The following RPS6KA6 variants were observed in gnomAD, a reference collection of about 807,000 sequenced individuals.
RPS6KA6 encodes the protein ribosomal protein S6 kinase A6, also known as ribosomal protein S6 kinase alpha-6.
RPS6KA6 carries 27 observed loss-of-function variants against 65.4 expected under a neutral mutation model. The ratio of observed to expected loss-of-function variants is 0.41; its 90% confidence interval spans 0.30 to 0.57. The LOEUF is 0.57. Among genes scored for constraint, RPS6KA6 ranks in the 20% least tolerant of loss-of-function variants. The probability of loss-of-function intolerance (pLI) is 0.24; values close to 1 mark genes in which losing one functional copy is unlikely to be tolerated. For synonymous variants in RPS6KA6, 190 were observed against 184.2 expected (o/e 1.03, Z -0.26); for missense variants, 486 against 555.6 (o/e 0.87, Z 1.26).
intron 12 of RPS6KA6, among the ~76,000 whole-genome samples, chrX:84,109,748 C>T (rs1450586162): frequency 9.0e-6 from 1 of 110,734 alleles, no homozygotes; most frequent in East Asian, 2.9e-4. Context: ...CAGCCCATCA[C>T]TCCCTATCAT....
At chrX:84,080,102 CT>C (rs1239608473) in intron 20 of RPS6KA6, among the ~76,000 whole-genome samples, 3 of 109,576 alleles carry the variant, frequency 2.7e-5, no homozygotes, top group Non-Finnish European at 5.7e-5. Flanking sequence ...GCAGGTGCCC[CT>C]AACACCTCAT....
rs145557561 is a variant in RPS6KA6, at chrX:84,087,372, T to G, written c.1971+8822A>C. On this transcript the variant is annotated intron_variant, in intron 20 of 21. Transcript: ENST00000262752. The stretch of plus-strand genomic sequence containing the variant: ...TGGTCGTGAAGAATTCCCTAAGCAT[T>G]TACTCATCTGAAAGAGACCTTATTT... Among the ~76,000 whole-genome samples the G allele has an allele frequency of 1.6e-4, 18 of 111,518 alleles. No homozygotes were observed. The East Asian group carries it at 4.8e-3, about 30-fold the overall frequency.
At chrX:84,176,320 A>C (rs2035768297) in intron 1 of RPS6KA6, among the ~76,000 whole-genome samples, 1 of 112,222 alleles carries the variant, frequency 8.9e-6, no homozygotes, top group African/African-American at 3.2e-5. Flanking sequence ...TTTACTTTCC[A>C]AAAATATAAG....
upstream of RPS6KA6, among the ~76,000 whole-genome samples, chrX:84,188,465 G>C (rs1473765040): frequency 9.0e-6 from 1 of 111,339 alleles, no homozygotes; most frequent in African/African-American, 3.3e-5. Flanking sequence ...AGTAGTAAAA[G>C]CCCCTGCTAG....
At chrX:84,113,842 T>G (rs2034515076) in intron 12 of RPS6KA6, among the ~76,000 whole-genome samples, 1 of 111,286 alleles carries the variant, frequency 9.0e-6, no homozygotes, top group South Asian at 3.8e-4. Flanking sequence ...TCAAAGTACC[T>G]CTATTGATTG....
At chrX:84,107,081 G>C (rs755000410) in intron 13 of RPS6KA6, 41 bp from the exon 14 acceptor site, 1 of 1,085,612 alleles carries the variant, frequency 9.2e-7, no homozygotes, top group African/African-American at 1.8e-5. Context: ...ACTACACACA[G>C]AATTCTATGA....
At chrX:84,132,581 T>C (rs904669770) in intron 8 of RPS6KA6, among the ~76,000 whole-genome samples, 36 of 110,630 alleles carry the variant, frequency 3.3e-4, no homozygotes, top group Non-Finnish European at 3.0e-4. Flanking sequence ...AGTCATATTA[T>C]AAAGTTATTT....
At chrX:84,188,424 G>A (rs1176227215), upstream of RPS6KA6, among the ~76,000 whole-genome samples, 2 of 110,526 alleles carry the variant, frequency 1.8e-5, no homozygotes, top group Non-Finnish European at 3.8e-5. Context: ...AGAGGGGAGG[G>A]GGGCGTGCTG....
intron 18 of RPS6KA6, among the ~76,000 whole-genome samples, chrX:84,099,840 A>G (rs2034226812): frequency 9.0e-6 from 1 of 111,399 alleles, no homozygotes. Context: ...TCTAAAAACT[A>G]AAAGAATATT....
intron 1 of RPS6KA6, among the ~76,000 whole-genome samples, chrX:84,184,071 C>T (rs2035895751): frequency 1.8e-5 from 2 of 112,223 alleles, no homozygotes; most frequent in Middle Eastern, 4.6e-3. Context: ...TTCAATGAAA[C>T]ACCTCATCAG....
rs765464040 is a variant in RPS6KA6 at position 84,107,027 on chromosome X, C to A, written c.1125G>T (p.Leu375Phe). The A allele has an allele frequency of 8.4e-7, 1 of 1,197,041 alleles. No homozygotes were observed. The highest frequency in any genetic ancestry group is 1.1e-6 in the Non-Finnish European group (1 of 887,726). The change falls in exon 14 of 22, where the codon TTG becomes TTT. Residue 375 changes from leucine to phenylalanine, a missense_variant. Coordinates refer to ENST00000262752, the MANE Select transcript of RPS6KA6 (RefSeq NM_014496.5). Reference protein sequence around the residue: ...TAKTPKDSPGLPASANAHQLF... With the variant: ...TAKTPKDSPGFPASANAHQLF... ...GCTGATGAGCATTTGCACTGGCTGG[C>A]AAACCGGGAGAATCTAATGTCCAAA...
intron 20 of RPS6KA6, among the ~76,000 whole-genome samples, chrX:84,073,363 T>C (rs2033589123): frequency 2.7e-5 from 3 of 111,938 alleles, no homozygotes; most frequent in Non-Finnish European, 5.6e-5. Flanking sequence ...TCTTACCATA[T>C]ATAAAAATCA....
chrX:84,165,442 A>G (rs751077413), intron 1 of RPS6KA6, among the ~76,000 whole-genome samples: 182 of 111,584 alleles, frequency 1.6e-3, no homozygotes, highest in African/African-American at 5.8e-3. Flanking sequence ...GGGAAGATCA[A>G]AACTTGAAAA....
intron 20 of RPS6KA6, among the ~76,000 whole-genome samples, chrX:84,090,926 T>C (rs1019786411): frequency 8.9e-6 from 1 of 112,249 alleles, no homozygotes; most frequent in Admixed American, 9.4e-5. Context: ...AGACCTCTCA[T>C]TCCTCCATTT....
intron 20 of RPS6KA6, 64 bp from the exon 21 acceptor site, chrX:84,065,175 CT>C: frequency 2.4e-6 from 2 of 823,406 alleles, no homozygotes; most frequent in South Asian, 6.7e-5. Context: ...TTTACATTTG[CT>C]GAAAATGTGA....
chrX:84,156,366 G>GCAC (rs1445998473), intron 2 of RPS6KA6, among the ~76,000 whole-genome samples, 175 bp from the exon 3 acceptor site: 1 of 110,872 alleles, frequency 9.0e-6, no homozygotes, highest in East Asian at 2.8e-4. Flanking sequence ...ACACACAGAT[G>GCAC]CACCACCACC....
At chrX:84,102,292 A>C in intron 17 of RPS6KA6, 94 bp from the exon 18 acceptor site, 2 of 502,032 alleles carry the variant, frequency 4.0e-6, no homozygotes, top group East Asian at 4.6e-5. Flanking sequence ...TAAATATCTG[A>C]GAAAAAGAAA....
intron 6 of RPS6KA6, among the ~76,000 whole-genome samples, chrX:84,141,604 A>G (rs975832721): frequency 1.8e-5 from 2 of 111,184 alleles, no homozygotes; most frequent in Admixed American, 1.9e-4. Context: ...AAAAACAAGG[A>G]AACTATGCTT....
chrX:84,103,641 T>C (rs2034299672), intron 17 of RPS6KA6, among the ~76,000 whole-genome samples: 1 of 111,213 alleles, frequency 9.0e-6, no homozygotes, highest in Admixed American at 9.6e-5. Context: ...AAGAGACGCC[T>C]ATGATGCTTT....
Sources: gnomAD v4.1 joint callset for allele counts (sites outside exome capture counted in the v4.1 genomes callset) on GRCh38, gnomAD v4.1.1 for gene constraint, MANE v1.5 for transcripts, NCBI Gene and HGNC (gene_info 2026-07-23, HGNC 2026-07-21) for gene names.